Variants in NLRC3 observed in about 807,000 individuals in gnomAD.
NLRC3 encodes NLR family CARD domain-containing protein 3.
Under a neutral mutation model 91.6 loss-of-function variants are expected in NLRC3, and 87 were observed. That is an observed-to-expected ratio of 0.95 (90% confidence interval 0.80 to 1.14). The LOEUF is 1.14. Among genes scored for constraint, NLRC3 ranks in the 50% most tolerant of loss-of-function variants. The pLI is 0.00. For synonymous variants in NLRC3, 694 were observed against 625.3 expected (o/e 1.11, Z -1.64); for missense variants, 1,577 against 1,418.6 (o/e 1.11, Z -1.79).
intron 6 of NLRC3, 86 bp downstream of exon 6, chr16:3,561,615 TG>T: frequency 1.1e-6 from 1 of 915,474 alleles, no homozygotes; most frequent in Non-Finnish European, 1.8e-6. Context: ...GCAGCGCCGC[TG>T]GCCAGCTGAG....
intron 17 of NLRC3, 65 bp from the exon 18 acceptor site, chr16:3,542,840 C>G: frequency 2.6e-6 from 3 of 1,156,324 alleles, no homozygotes; most frequent in Non-Finnish European, 3.8e-6. Context: ...GACCCCTCTG[C>G]GGGTGGGCTT....
chr16:3,544,668 CTTG>C, intron 15 of NLRC3: 1 of 264,822 alleles, frequency 3.8e-6, no homozygotes, highest in Non-Finnish European at 7.4e-6. Context: ...CTGAGCCATT[CTTG>C]TTTGTCTTGT....
intron 10 of NLRC3, 72 bp downstream of exon 10, chr16:3,552,124 C>T (rs1239249610): frequency 1.1e-6 from 1 of 938,908 alleles, no homozygotes; most frequent in Non-Finnish European, 1.7e-6. Flanking sequence ...CTCAGGCTCA[C>T]AAATATTTGT....
At position 3,564,772 on chromosome 16, in the gene NLRC3, G is replaced by A. The variant is rs1328813460; in HGVS notation, c.179-14C>T. On this transcript the variant is annotated splice_polypyrimidine_tract_variant and intron_variant, in intron 4 of 19. Coordinates refer to ENST00000359128, the MANE Select transcript of NLRC3 (RefSeq NM_178844.4). This position sits in a 1 kb window ranked among gnomAD's most constrained non-coding sequence, Gnocchi z 5.9. ...GTATCCTTGAGTCTGCGGGACAGAG[G>A]CCAGTGGGGAGGTCTGGTAAGGGAA... 1 of 1,568,646 alleles carries A rather than the reference G, an allele frequency of 6.4e-7. No individual in the cohort carries two copies. Among genetic ancestry groups the A allele is most frequent in the Non-Finnish European group, 8.6e-7 (1 of 1,161,200 alleles).
intron 9 of NLRC3, 25 bp downstream of exon 9, chr16:3,554,217 G>T (rs764976788): frequency 3.2e-6 from 5 of 1,546,800 alleles, no homozygotes; most frequent in African/African-American, 2.7e-5. Context: ...GAGAGAAGGG[G>T]GAGAGAGGAG....
intron 15 of NLRC3, among the ~76,000 whole-genome samples, chr16:3,547,731 C>T (rs1446550933): frequency 2.0e-5 from 3 of 152,080 alleles, no homozygotes. Flanking sequence ...TGCAGTGACG[C>T]GATCTCTGCT....
At position 3,562,932 on chromosome 16, in the gene NLRC3, TTGG is replaced by T. The variant is rs1161129026; in HGVS notation, c.1928+74_1928+76del. 3.8e-6 allele frequency: 5 copies of T among 1,300,148 alleles called. No individual in the cohort carries two copies. The East Asian group carries it at 1.0e-4, about 26-fold the overall frequency. 80.5% of individuals were successfully genotyped at this position (1,300,148 alleles called of 1,614,324 possible). A position where few individuals can be genotyped will look rare whatever the true frequency, so the allele number is the denominator to read the frequency against. Reference sequence around the variant, plus strand: ...AGCCCTAGGAGACTGACAGAGAAGCTTGGTGGTGGGGAGGGGACGGCTTCTGCT... The same window carrying T: ...AGCCCTAGGAGACTGACAGAGAAGCTTGGTGGGGAGGGGACGGCTTCTGCT... On this transcript the variant is annotated intron_variant, in intron 5 of 19. Coordinates refer to ENST00000359128, the MANE Select transcript of NLRC3 (RefSeq NM_178844.4).
rs1236556047 is a variant in NLRC3, at chr16:3,540,237, C to A, written c.*1588G>T. 1 of 152,210 alleles carries A rather than the reference C, an allele frequency of 6.6e-6. No homozygotes were observed. The highest frequency in any genetic ancestry group is 1.5e-5 in the Non-Finnish European group (1 of 68,040). 9.4% of individuals were successfully genotyped at this position (152,210 alleles called of 1,614,324 possible). A position where few individuals can be genotyped will look rare whatever the true frequency, so the allele number is the denominator to read the frequency against. The stretch of plus-strand genomic sequence containing the variant: ...TTCCCGAGTAGGCCTTCATCCATGG[C>A]CTCAGCATCCATGATGGTTCCTGTC... On this transcript the variant is annotated 3_prime_UTR_variant, in exon 20 of 20. Transcript: ENST00000359128.
At position 3,563,039 on chromosome 16, in the gene NLRC3, A is replaced by G; in HGVS notation, c.1898T>C (p.Leu633Pro). 6.4e-7 allele frequency: 1 copy of G among 1,557,908 alleles called. No individual in the cohort carries two copies. The highest frequency in any genetic ancestry group is 8.7e-7 in the Non-Finnish European group (1 of 1,151,334). The change falls in exon 5 of 20, where the codon CTG (leucine) becomes CCG (proline). Residue 633 changes from leucine (L) to proline (P), a missense_variant. Leu to Pro is a moderately conservative substitution (Grantham distance 98). Coordinates refer to ENST00000359128, the MANE Select transcript of NLRC3 (RefSeq NM_178844.4). ...CTTCCGGCAGTAGAGCAGCTGGGGC[A>G]GCAGGCTCTGAAGGACGCCCTGGCT... ...SLSQGVLQSL[L>P]PQLLYCRKLR...
At chr16:3,548,296 G>A (rs2038805821) in intron 14 of NLRC3, 78 bp from the exon 15 acceptor site, 7 of 1,111,532 alleles carry the variant, frequency 6.3e-6, no homozygotes, top group South Asian at 5.4e-5. Context: ...AGGCTCTGAT[G>A]GCAGGAGGTG....
chr16:3,571,595 G>C lies in NLRC3; in HGVS notation c.-168-4271C>G, dbSNP rs959533445. Among the ~76,000 whole-genome samples, 6 of 149,296 alleles carry C rather than the reference G, an allele frequency of 4.0e-5. No individual in the cohort carries two copies. The East Asian group carries it at 7.9e-4, about 20-fold the overall frequency. On this transcript the variant is annotated intron_variant, in intron 1 of 19. Coordinates refer to ENST00000359128, the MANE Select transcript of NLRC3 (RefSeq NM_178844.4). The stretch of plus-strand genomic sequence containing the variant: ...CATGAAGAGGGAGACTAGTAAATTT[G>C]TCTTAATTGAATTAAAATATTAAAT...
At chr16:3,562,155 A>G (rs753884268) in intron 5 of NLRC3, among the ~76,000 whole-genome samples, 9 of 152,184 alleles carry the variant, frequency 5.9e-5, no homozygotes, top group Admixed American at 2.0e-4. Flanking sequence ...TGCAGCTTCT[A>G]TCAGACTGGA....
At position 3,543,493 on chromosome 16, in the gene NLRC3, T is replaced by A; in HGVS notation, c.2871A>T (p.Ser957=). Reference sequence around the variant, plus strand: ...GCACCTGGGCGCCTGAAGCACCAATTGAGGCCACCTGGAGACTGGGGCGGA... The same window carrying A: ...GCACCTGGGCGCCTGAAGCACCAATAGAGGCCACCTGGAGACTGGGGCGGA... ...ALTALYLQVA[S]IGASGAQVLG... The change falls in exon 17 of 20, where the codon TCA becomes TCT. Residue 957 remains serine (S), a synonymous_variant. Transcript: ENST00000359128. 1 of 1,612,868 alleles carries A rather than the reference T, an allele frequency of 6.2e-7. No individual in the cohort carries two copies. Among genetic ancestry groups the A allele is most frequent in the Non-Finnish European group, 8.5e-7 (1 of 1,179,498 alleles).
Position 3,548,668 on chromosome 16 carries a change from A to G in NLRC3, c.2687+2T>C. 1 of 1,575,528 alleles carries G rather than the reference A, an allele frequency of 6.3e-7. No individual in the cohort carries two copies. Among genetic ancestry groups the G allele is most frequent in the Non-Finnish European group, 8.6e-7 (1 of 1,158,574 alleles). The stretch of plus-strand genomic sequence containing the variant: ...GAGCAGGGTGGAGAGCTGCAGACTC[A>G]CTGAAGGGAGGTGAGGGTGCGGTTT... On this transcript the variant is annotated splice_donor_variant, in intron 14 of 19. Transcript: ENST00000359128. LOFTEE classifies it high-confidence loss of function.
Position 3,557,692 on chromosome 16 carries a change from G to A in NLRC3, c.2016-16C>T, listed in dbSNP as rs2039410300. On this transcript the variant is annotated splice_polypyrimidine_tract_variant and intron_variant, in intron 6 of 19. Transcript: ENST00000359128. Reference sequence around the variant, plus strand: ...CTCCGCCAAGCTGCCCAAGGAAAGGGAGAGGAGTGGTTATTTTAGGCATGC... The same window carrying A: ...CTCCGCCAAGCTGCCCAAGGAAAGGAAGAGGAGTGGTTATTTTAGGCATGC... 1.3e-6 allele frequency: 2 copies of A among 1,583,382 alleles called. No individual in the cohort carries two copies. Among genetic ancestry groups the A allele is most frequent in the African/African-American group, 1.3e-5 (1 of 74,320 alleles).
At chr16:3,542,423 A>T (rs2038454790) in intron 18 of NLRC3, 149 bp from the exon 19 acceptor site, 1 of 669,472 alleles carries the variant, frequency 1.5e-6, no homozygotes, top group African/African-American at 1.8e-5. Flanking sequence ...TTGACCCTGG[A>T]GACAGGTGTC....
intron 15 of NLRC3, chr16:3,544,652 C>A: frequency 3.2e-6 from 1 of 313,012 alleles, no homozygotes. Context: ...TTAAAGCCCT[C>A]AATCCCTGAG....
chr16:3,545,283 TAAAAATACG>T (rs1320590582), intron 15 of NLRC3: 1 of 152,070 alleles, frequency 6.6e-6, no homozygotes, highest in African/African-American at 2.4e-5. Flanking sequence ...CCGTCTCCAC[TAAAAATACG>T]AAAATTAGGC....
At chr16:3,548,910 C>T (rs2038843941) in intron 13 of NLRC3, among the ~76,000 whole-genome samples, 157 bp from the exon 14 acceptor site, 1 of 152,184 alleles carries the variant, frequency 6.6e-6, no homozygotes, top group Non-Finnish European at 1.5e-5. Flanking sequence ...GTAACATCCT[C>T]ATCCATCCCC....
Sources: gnomAD v4.1 joint callset for allele counts (sites outside exome capture counted in the v4.1 genomes callset) on GRCh38, gnomAD v4.1.1 for gene constraint, Gnocchi (gnomAD v3.1) non-coding constraint, MANE v1.5 for transcripts, NCBI Gene and HGNC (gene_info 2026-07-23, HGNC 2026-07-21) for gene names.